Variants in FAM120B observed in about 807,000 individuals in gnomAD.
FAM120B encodes the protein constitutive coactivator of peroxisome proliferator-activated receptor gamma.
A neutral mutation model predicts 96.3 loss-of-function variants in FAM120B; 83 were observed. That is an observed-to-expected ratio of 0.86 (90% CI 0.72 to 1.03). The LOEUF is 1.03. FAM120B is among the 50% of genes least tolerant of loss of function. FAM120B has a pLI of 0.00. For synonymous variants in FAM120B, 407 were observed against 402.7 expected (o/e 1.01, Z -0.13); for missense variants, 1,027 against 1,121.2 (o/e 0.92, Z 1.20).
At chr6:170,388,075 G>A (rs1458377207) in intron 6 of FAM120B, among the ~76,000 whole-genome samples, 1 of 152,164 alleles carries the variant, frequency 6.6e-6, no homozygotes, top group Non-Finnish European at 1.5e-5. Flanking sequence ...GACTGTAGAG[G>A]CACCCTCATT....
chr6:170,381,984 A>G (rs1075164), intron 6 of FAM120B, among the ~76,000 whole-genome samples: 2,740 of 152,296 alleles, frequency 0.018, 100 homozygotes, highest in African/African-American at 0.063. Context: ...CTCTTATTCA[A>G]CATAGTGCTG....
upstream of FAM120B, among the ~76,000 whole-genome samples, chr6:170,301,934 T>A (rs924318017): frequency 6.6e-6 from 1 of 152,188 alleles, no homozygotes; most frequent in African/African-American, 2.4e-5. Context: ...TTTCAAACTT[T>A]CCCACATTTT....
At chr6:170,321,617 G>A (rs1248709524) in intron 2 of FAM120B, among the ~76,000 whole-genome samples, 1 of 152,134 alleles carries the variant, frequency 6.6e-6, no homozygotes, top group Non-Finnish European at 1.5e-5. Flanking sequence ...GACCTCAAGT[G>A]ATCCACCTCG....
chr6:170,362,408 CT>C (rs1264020252), intron 6 of FAM120B, among the ~76,000 whole-genome samples: 13 of 152,200 alleles, frequency 8.5e-5, no homozygotes, highest in Admixed American at 8.5e-4. Context: ...ATACCATGTA[CT>C]GTCTAGGAAT....
Position 170,405,147 on chromosome 6 carries a change from C to T in FAM120B, c.*396C>T, listed in dbSNP as rs1381825553. 1.9e-5 allele frequency: 3 copies of T among 156,704 alleles called. No individual in the cohort carries two copies. The highest frequency in any genetic ancestry group is 4.2e-5 in the Non-Finnish European group (3 of 71,112). The allele number at this position is 156,704 out of a possible 1,614,324, so 9.7% of individuals were successfully genotyped here. A position where few individuals can be genotyped will look rare whatever the true frequency, so the allele number is the denominator to read the frequency against. The stretch of plus-strand genomic sequence containing the variant: ...CCTGTTATTAAAAAGTCAGAAAACA[C>T]TATACAGTAGTCCTCCCTTATCTGC... On this transcript the variant is annotated 3_prime_UTR_variant, in exon 11 of 11. Coordinates refer to ENST00000476287, the MANE Select transcript of FAM120B (RefSeq NM_032448.3).
intron 6 of FAM120B, among the ~76,000 whole-genome samples, chr6:170,367,211 A>G (rs1290178170): frequency 6.6e-6 from 1 of 152,262 alleles, no homozygotes; most frequent in East Asian, 1.9e-4. Flanking sequence ...ACTTTAAATG[A>G]TAATGATACT....
Position 170,317,503 on chromosome 6 carries a change from C to A in FAM120B, c.113C>A (p.Thr38Asn). ...CACCGAAGCAAGTATCCTGGATGTA[C>A]CCCTACCATTGTGGTTGATGCCATG... ...EHHRSKYPGC[T>N]PTIVVDAMCC... Residue 38 changes from threonine to asparagine, a missense_variant, in exon 2 of 11, where the codon ACC (threonine) becomes AAC (asparagine). Transcript: ENST00000476287. 1 of 1,614,178 alleles carries A rather than the reference C, an allele frequency of 6.2e-7. No individual in the cohort carries two copies. The highest frequency in any genetic ancestry group is 1.1e-5 in the South Asian group (1 of 91,082).
chr6:170,397,489 C>T (rs756068862), intron 9 of FAM120B, among the ~76,000 whole-genome samples: 3 of 152,090 alleles, frequency 2.0e-5, no homozygotes, highest in African/African-American at 7.2e-5. Context: ...GAGGGCCCTG[C>T]AGCTCTGTGT....
chr6:170,333,112 A>G (rs1786167992), intron 4 of FAM120B, among the ~76,000 whole-genome samples: 1 of 152,154 alleles, frequency 6.6e-6, no homozygotes, highest in Non-Finnish European at 1.5e-5. Context: ...CAGAAAAAGA[A>G]ATCTCATTCC....
At chr6:170,292,944 G>C (rs1260250315), upstream of FAM120B, among the ~76,000 whole-genome samples, 1 of 152,178 alleles carries the variant, frequency 6.6e-6, no homozygotes, top group Non-Finnish European at 1.5e-5. The surrounding 1 kb of genome is among the most constrained non-coding windows in gnomAD (Gnocchi z 6.6). Context: ...ACCCCCTACT[G>C]TTTGGTTCAG....
intron 1 of FAM120B, among the ~76,000 whole-genome samples, chr6:170,296,700 C>T (rs1385217905): frequency 1.3e-5 from 2 of 152,004 alleles, no homozygotes; most frequent in Non-Finnish European, 2.9e-5. Context: ...CCCAGAGGAG[C>T]GCGGCCCGCC....
Position 170,391,029 on chromosome 6 carries a change from A to G in FAM120B, c.2507A>G (p.Lys836Arg), listed in dbSNP as rs1425414863. Reference sequence around the variant, plus strand: ...TGTTTGCAGAGATCTCGGCTCACCAAATTCCACAACCTGAAGGCAGTCGTC... The same window carrying G: ...TGTTTGCAGAGATCTCGGCTCACCAGATTCCACAACCTGAAGGCAGTCGTC... ...LLEQNRSRLT[K>R]FHNLKAVVCK... The change falls in exon 8 of 11, where the codon AAA becomes AGA. Residue 836 changes from lysine to arginine, a missense_variant. Physicochemically the swap from Lys to Arg is conservative, Grantham distance 26. Coordinates refer to ENST00000476287, the MANE Select transcript of FAM120B (RefSeq NM_032448.3). The G allele has an allele frequency of 1.2e-6, 2 of 1,614,120 alleles. No individual in the cohort carries two copies. Among genetic ancestry groups the G allele is most frequent in the Non-Finnish European group, 1.7e-6 (2 of 1,180,022 alleles).
intron 7 of FAM120B, 52 bp from the exon 8 acceptor site, chr6:170,390,961 A>G (rs1397668642): frequency 7.5e-6 from 11 of 1,462,052 alleles, no homozygotes; most frequent in South Asian, 4.6e-5. Flanking sequence ...ATCTGGCCCT[A>G]CTTTGCCACA....
rs1479852978 is a variant in FAM120B at position 170,317,667 on chromosome 6, G to A, written c.277G>A (p.Val93Met). 3 of 1,614,076 alleles carry A rather than the reference G, an allele frequency of 1.9e-6. No homozygotes were observed. The highest frequency in any genetic ancestry group is 2.5e-6 in the Non-Finnish European group (3 of 1,180,054). ...GTTGATATTCTTCTTTGATGGCATGGTGGAGCAGGATAAGAGAGATGAATG... is the reference window on the plus strand; with the variant it reads ...GTTGATATTCTTCTTTGATGGCATGATGGAGCAGGATAAGAGAGATGAATG... ...IKLIFFFDGM[V>M]EQDKRDEWVK... The change falls in exon 2 of 11, where the codon GTG (valine) becomes ATG (methionine). Residue 93 changes from valine to methionine, a missense_variant. By Grantham distance (21) the Val-to-Met change is conservative. Coordinates refer to ENST00000476287, the MANE Select transcript of FAM120B (RefSeq NM_032448.3).
chr6:170,312,388 A>G (rs1182976794), intron 1 of FAM120B, among the ~76,000 whole-genome samples: 1 of 152,170 alleles, frequency 6.6e-6, no homozygotes, highest in South Asian at 2.1e-4. Context: ...ATTTTGACAT[A>G]TTGGGCTGAT....
chr6:170,306,882 C>T (rs1784314212), intron 1 of FAM120B, 40 bp downstream of exon 1: 2 of 152,276 alleles, frequency 1.3e-5, no homozygotes, highest in South Asian at 4.1e-4. Context: ...TCTTCCGGGC[C>T]GCTCCCGGCC....
At chr6:170,384,347 A>G (rs1002639027) in intron 6 of FAM120B, among the ~76,000 whole-genome samples, 5 of 152,152 alleles carry the variant, frequency 3.3e-5, no homozygotes, top group African/African-American at 9.7e-5. Flanking sequence ...ATCTTTGTCA[A>G]CTCCTGTGAA....
Position 170,358,112 on chromosome 6 carries a change from G to A in FAM120B, c.2191-114G>A. ...CCTGTGCGTGTGCCTGTACGTGCCT[G>A]TGTGTGCATGTTTGCGCCTATACAC... is the stretch of plus-strand genomic sequence containing the variant. On this transcript the variant is annotated intron_variant, in intron 5 of 10. Transcript: ENST00000476287. 4.7e-6 allele frequency: 4 copies of A among 850,690 alleles called. No homozygotes were observed. The East Asian group carries it at 8.1e-5, about 17-fold the overall frequency. The allele number at this position is 850,690 out of a possible 1,614,324, so 52.7% of individuals were successfully genotyped here. A position where few individuals can be genotyped will look rare whatever the true frequency, so the allele number is the denominator to read the frequency against.
intron 9 of FAM120B, among the ~76,000 whole-genome samples, chr6:170,397,968 G>T (rs1179170349): frequency 8.1e-6 from 1 of 123,202 alleles, no homozygotes; most frequent in East Asian, 1.9e-4. Context: ...GAGACCTTCT[G>T]CTTACCCTCT....
Sources: gnomAD v4.1 joint callset for allele counts (sites outside exome capture counted in the v4.1 genomes callset) on GRCh38, gnomAD v4.1.1 for gene constraint, Gnocchi (gnomAD v3.1) non-coding constraint, MANE v1.5 for transcripts, NCBI Gene and HGNC (gene_info 2026-07-23, HGNC 2026-07-21) for gene names.